KPNA1: variants seen among roughly 807,000 people sequenced by gnomAD.
The protein encoded by KPNA1 is importin subunit alpha-5.
Under a neutral mutation model 70.5 loss-of-function variants are expected in KPNA1, and 10 were observed. The observed-to-expected ratio is 0.14, with a 90% confidence interval of 0.09 to 0.24. KPNA1 has a LOEUF of 0.24. Among genes scored for constraint, KPNA1 ranks in the 10% least tolerant of loss-of-function variants. KPNA1 has a pLI of 1.00. For missense variants in KPNA1, 397 were observed against 637.9 expected (o/e 0.62, Z 4.07); for synonymous variants, 192 against 221.9 (o/e 0.87, Z 1.20).
At chr3:122,457,659 C>G (rs908450651) in intron 5 of KPNA1, 14 of 1,225,428 alleles carry the variant, frequency 1.1e-5, no homozygotes, top group African/African-American at 7.9e-5. Context: ...CTTTCTTAGT[C>G]TCTACCTTCT....
chr3:122,446,418 G>A (rs1225579060), intron 9 of KPNA1, among the ~76,000 whole-genome samples: 1 of 152,198 alleles, frequency 6.6e-6, no homozygotes, highest in Non-Finnish European at 1.5e-5. Context: ...GATCCTGAAT[G>A]ACTACTGGGT....
intron 9 of KPNA1, among the ~76,000 whole-genome samples, chr3:122,448,689 C>G (rs2076167221): frequency 6.6e-6 from 1 of 151,518 alleles, no homozygotes; most frequent in Non-Finnish European, 1.5e-5. Context: ...ACATGTATAC[C>G]TATGTAACAA....
chr3:122,454,521 C>T (rs1348583245), intron 5 of KPNA1, among the ~76,000 whole-genome samples: 2 of 152,042 alleles, frequency 1.3e-5, no homozygotes, highest in East Asian at 1.9e-4. Flanking sequence ...TTAGCCTGTA[C>T]CATGTATGTT....
At chr3:122,454,107 T>G in intron 5 of KPNA1, 106 bp from the exon 6 acceptor site, 5 of 731,552 alleles carry the variant, frequency 6.8e-6, no homozygotes, top group Non-Finnish European at 1.1e-5. Context: ...GAGATCATTA[T>G]TTGCACATAA....
chr3:122,514,600 C>A (rs1045532583), intron 1 of KPNA1, 157 bp downstream of exon 1: 1 of 152,128 alleles, frequency 6.6e-6, no homozygotes, highest in Admixed American at 6.6e-5. Flanking sequence ...GGGCCCGTGA[C>A]GCACGGACGC....
intron 2 of KPNA1, among the ~76,000 whole-genome samples, chr3:122,484,944 C>T (rs2076612549): frequency 6.6e-6 from 1 of 152,156 alleles, no homozygotes; most frequent in South Asian, 2.1e-4. Flanking sequence ...GACGCCCAGG[C>T]TGGAGTGCAG....
rs141883695 is a variant in KPNA1 at position 122,514,127 on chromosome 3, T to C, written c.-6+630A>G. On this transcript the variant is annotated intron_variant, in intron 1 of 13. Coordinates refer to ENST00000344337, the MANE Select transcript of KPNA1 (RefSeq NM_002264.4). The stretch of plus-strand genomic sequence containing the variant: ...CACACGCGGCGTGCAGACCAAGTTC[T>C]GTCATTGCTATAATTACCACACCCC... 4.3e-4 allele frequency among the ~76,000 whole-genome samples: 66 copies of C among 152,276 alleles called. No homozygotes were observed. In the East Asian group the frequency reaches 0.012, roughly 28 times the overall value.
chr3:122,498,637 T>C (rs1403496860), intron 1 of KPNA1, among the ~76,000 whole-genome samples: 1 of 152,226 alleles, frequency 6.6e-6, no homozygotes, highest in East Asian at 1.9e-4. Context: ...AGCCCCACAC[T>C]GTCTTGGTTA....
chr3:122,490,683 G>GA (rs1294583192), intron 2 of KPNA1, among the ~76,000 whole-genome samples: 2 of 152,088 alleles, frequency 1.3e-5, no homozygotes, highest in South Asian at 2.1e-4. Context: ...GTTCCTTTGA[G>GA]AAAAAATTCT....
chr3:122,427,425 C>T, intron 13 of KPNA1, 113 bp downstream of exon 13: 1 of 1,106,948 alleles, frequency 9.0e-7, no homozygotes. Context: ...CAGCAATTTC[C>T]TAACAGTCCT....
intron 10 of KPNA1, among the ~76,000 whole-genome samples, chr3:122,440,081 T>G (rs960248025): frequency 1.3e-5 from 2 of 152,190 alleles, no homozygotes; most frequent in African/African-American, 4.8e-5. Flanking sequence ...CTTCATTGCA[T>G]TCAATAAATA....
intron 10 of KPNA1, among the ~76,000 whole-genome samples, chr3:122,440,490 T>C (rs1238328921): frequency 6.6e-6 from 1 of 152,104 alleles, no homozygotes; most frequent in Non-Finnish European, 1.5e-5. Context: ...GCATACAGCA[T>C]ATGGAGGTGG....
intron 10 of KPNA1, among the ~76,000 whole-genome samples, chr3:122,440,519 C>T (rs2076048710): frequency 6.6e-6 from 1 of 152,126 alleles, no homozygotes; most frequent in African/African-American, 2.4e-5. Context: ...CAGAAAGATA[C>T]TGATAGGGTT....
chr3:122,449,439 A>G (rs2076175205), intron 9 of KPNA1, 135 bp downstream of exon 9: 2 of 703,510 alleles, frequency 2.8e-6, no homozygotes, highest in South Asian at 2.1e-5. Context: ...ATCAAAATAA[A>G]CAAGTAACAA....
rs779377594 is a variant in KPNA1 at position 122,496,396 on chromosome 3, T to A, written c.129+41A>T. 3.2e-5 allele frequency: 51 copies of A among 1,584,290 alleles called. No individual in the cohort carries two copies. The South Asian group carries it at 5.4e-4, about 17-fold the overall frequency. On this transcript the variant is annotated intron_variant, in intron 2 of 13. Transcript: ENST00000344337. Reference sequence around the variant, plus strand: ...ATAGTTTCAGGCTTAAAATGGAACATTAAATTCTTTAAAAGAAATGAATAA... The same window carrying A: ...ATAGTTTCAGGCTTAAAATGGAACAATAAATTCTTTAAAAGAAATGAATAA...
intron 1 of KPNA1, among the ~76,000 whole-genome samples, chr3:122,501,095 C>A (rs149976719): frequency 2.1e-5 from 3 of 145,530 alleles, no homozygotes; most frequent in African/African-American, 5.1e-5. Flanking sequence ...GTGGCATGAT[C>A]TCGGCTCACT....
chr3:122,495,262 C>CAAAAAAAAAAAAA lies in KPNA1; in HGVS notation c.129+1162_129+1174dup, dbSNP rs748751423. Among the ~76,000 whole-genome samples, 818 of 84,962 alleles carry CAAAAAAAAAAAAA rather than the reference C, an allele frequency of 9.6e-3. 4 individuals carry two copies. The highest frequency in any genetic ancestry group is 0.012 in the Non-Finnish European group (482 of 41,544). 55.7% of individuals were successfully genotyped at this position (84,962 alleles called of 152,430 possible). ...GAGCGAGACTCTGCCTCAAACAAAC[C>CAAAAAAAAAAAAA]AAAAAAAAAAAAAGAAAAGGAAATT... On this transcript the variant is annotated intron_variant, in intron 2 of 13. Transcript: ENST00000344337.
chr3:122,491,019 A>C (rs2076692339), intron 2 of KPNA1, among the ~76,000 whole-genome samples: 1 of 152,248 alleles, frequency 6.6e-6, no homozygotes, highest in Admixed American at 6.5e-5. Flanking sequence ...CTTAAGATAT[A>C]AACTAGCAGA....
At chr3:122,470,053 T>C (rs1023403589) in intron 2 of KPNA1, among the ~76,000 whole-genome samples, 3 of 152,122 alleles carry the variant, frequency 2.0e-5, no homozygotes, top group African/African-American at 4.8e-5. Context: ...GGTCAGAAAC[T>C]TGGATCTACA....
Sources: allele counts gnomAD v4.1 joint callset (sites outside exome capture counted in the v4.1 genomes callset), GRCh38; gene constraint gnomAD v4.1.1; transcripts MANE v1.5; gene names NCBI Gene and HGNC (gene_info 2026-07-23, HGNC 2026-07-21).